SLC44A5: variants seen among roughly 807,000 people sequenced by gnomAD.
SLC44A5 encodes the protein choline transporter-like protein 5.
SLC44A5 carries 57 observed loss-of-function variants against 101.8 expected under a neutral mutation model. The observed-to-expected ratio is 0.56, with a 90% CI of 0.45 to 0.70. The LOEUF is 0.70. SLC44A5 is among the 30% of genes least tolerant of loss of function. The pLI is 0.00. For missense variants in SLC44A5, 737 were observed against 853.1 expected (o/e 0.86, Z 1.70); for synonymous variants, 281 against 290.9 (o/e 0.97, Z 0.35).
At chr1:75,618,743 A>G in the SLC44A5 span, among the ~76,000 whole-genome samples, 1 of 152,168 alleles carries the variant, frequency 6.6e-6, no homozygotes, top group Non-Finnish European at 1.5e-5. Flanking sequence ...AATGCTAAGT[A>G]TTTGTGTATC....
chr1:75,622,571 T>C, the SLC44A5 span, among the ~76,000 whole-genome samples: 6 of 152,070 alleles, frequency 3.9e-5, no homozygotes, highest in Non-Finnish European at 8.8e-5. Context: ...TATCTAATCA[T>C]ATAACCCAGA....
chr1:75,368,270 T>C (rs1659990934), intron 3 of SLC44A5, among the ~76,000 whole-genome samples: 1 of 152,230 alleles, frequency 6.6e-6, no homozygotes, highest in South Asian at 2.1e-4. Context: ...TTACAGTTGT[T>C]CCTTGATGTC....
chr1:75,684,251 A>G, the SLC44A5 span, among the ~76,000 whole-genome samples: 1 of 152,166 alleles, frequency 6.6e-6, no homozygotes, highest in African/African-American at 2.4e-5. Flanking sequence ...GGATTATTAC[A>G]ATTCAAAGTG....
chr1:75,699,038 GA>G, the SLC44A5 span, among the ~76,000 whole-genome samples: 1 of 152,212 alleles, frequency 6.6e-6, no homozygotes, highest in African/African-American at 2.4e-5. Flanking sequence ...TGGTGTACCT[GA>G]AAGTGACGGG....
At chr1:75,674,324 A>G in the SLC44A5 span, among the ~76,000 whole-genome samples, 29 of 152,218 alleles carry the variant, frequency 1.9e-4, no homozygotes, top group Non-Finnish European at 3.2e-4. Flanking sequence ...AAAAAAAAAG[A>G]ATTAGTGAGC....
At chr1:75,351,551 G>A (rs1658657325) in intron 3 of SLC44A5, among the ~76,000 whole-genome samples, 1 of 152,028 alleles carries the variant, frequency 6.6e-6, no homozygotes, top group Admixed American at 6.6e-5. Flanking sequence ...CAGATATAAG[G>A]TATTTTTACG....
chr1:75,372,862 T>C (rs1307562394), intron 3 of SLC44A5, among the ~76,000 whole-genome samples: 2 of 152,184 alleles, frequency 1.3e-5, no homozygotes, highest in East Asian at 3.9e-4. Context: ...AATCACTAAA[T>C]CAAATCTTTG....
At position 75,219,203 on chromosome 1, in the gene SLC44A5, T is replaced by C. The variant is rs369106415; in HGVS notation, c.1266+54A>G. ...ATTCCTACCACAACTACAAAATGAA[T>C]TGCAGCAGAAGTCTATATTGAAGTA... On this transcript the variant is annotated intron_variant, in intron 16 of 23. Transcript: ENST00000370859. The C allele has an allele frequency of 1.4e-4, 168 of 1,210,384 alleles. 1 individual carries two copies. In the African/African-American group the frequency reaches 2.2e-3, roughly 16 times the overall value. The allele number at this position is 1,210,384 out of a possible 1,614,324, so 75.0% of individuals were successfully genotyped here.
chr1:75,646,699 C>T, the SLC44A5 span, among the ~76,000 whole-genome samples: 1 of 152,268 alleles, frequency 6.6e-6, no homozygotes, highest in Non-Finnish European at 1.5e-5. Context: ...TCCCCTTTTG[C>T]TTGGCACTTC....
At chr1:75,602,110 G>A (rs1167556858) in intron 1 of SLC44A5, among the ~76,000 whole-genome samples, 1 of 152,132 alleles carries the variant, frequency 6.6e-6, no homozygotes, top group Non-Finnish European at 1.5e-5. Context: ...ATTTACTGCT[G>A]TTAAAAATTT....
At chr1:75,335,176 T>G (rs891420342) in intron 4 of SLC44A5, among the ~76,000 whole-genome samples, 3 of 152,196 alleles carry the variant, frequency 2.0e-5, no homozygotes, top group African/African-American at 7.2e-5. Context: ...GTTCTCTAAA[T>G]GCTTGAATAA....
At chr1:75,490,375 A>C (rs2101807852) in intron 2 of SLC44A5, among the ~76,000 whole-genome samples, 1 of 152,336 alleles carries the variant, frequency 6.6e-6, no homozygotes, top group Non-Finnish European at 1.5e-5. Context: ...TTTGTGAATT[A>C]AGTGATTTTC....
intron 18 of SLC44A5, 90 bp from the exon 19 acceptor site, chr1:75,215,947 T>A (rs1325719918): frequency 5.5e-6 from 4 of 724,408 alleles, no homozygotes; most frequent in Non-Finnish European, 9.2e-6. Flanking sequence ...AAAATGAGAT[T>A]TAAAATTTTT....
chr1:75,607,750 A>G (rs964189334), intron 1 of SLC44A5, among the ~76,000 whole-genome samples: 2 of 151,972 alleles, frequency 1.3e-5, no homozygotes, highest in Non-Finnish European at 2.9e-5. Context: ...GCTATCTTGC[A>G]TGCTGCCATG....
the SLC44A5 span, among the ~76,000 whole-genome samples, chr1:75,648,988 C>T: frequency 6.6e-6 from 1 of 152,078 alleles, no homozygotes; most frequent in Non-Finnish European, 1.5e-5. Context: ...CAAGCTATAT[C>T]AAATGTGATT....
At chr1:75,582,014 G>A in intron 1 of SLC44A5, 1 of 578,468 alleles carries the variant, frequency 1.7e-6, no homozygotes, top group Non-Finnish European at 3.1e-6. Flanking sequence ...AATGCAAACA[G>A]ACCAAGATAT....
At chr1:75,401,936 T>A (rs1570150518) in intron 2 of SLC44A5, among the ~76,000 whole-genome samples, 2 of 151,942 alleles carry the variant, frequency 1.3e-5, no homozygotes, top group East Asian at 3.9e-4. Context: ...TCAAGAAAAA[T>A]GTAGTGGAGT....
At chr1:75,692,429 T>G in the SLC44A5 span, among the ~76,000 whole-genome samples, 521 of 152,040 alleles carry the variant, frequency 3.4e-3, 6 homozygotes, top group Middle Eastern at 0.01. Flanking sequence ...TCTCCTGACC[T>G]TGTGATCCGC....
At chr1:75,220,869 C>T (rs1241219680) in intron 14 of SLC44A5, among the ~76,000 whole-genome samples, 1 of 152,188 alleles carries the variant, frequency 6.6e-6, no homozygotes, top group African/African-American at 2.4e-5. Context: ...CCATACACTG[C>T]TAAGTGAATT....
Sources: allele counts gnomAD v4.1 joint callset (sites outside exome capture counted in the v4.1 genomes callset), GRCh38; gene constraint gnomAD v4.1.1; transcripts MANE v1.5; gene names NCBI Gene and HGNC (gene_info 2026-07-23, HGNC 2026-07-21).